Variants in EPN1 observed in about 807,000 individuals in gnomAD.
EPN1 encodes epsin-1.
EPN1 carries 25 observed loss-of-function variants against 56.9 expected under a neutral mutation model. That is an observed-to-expected ratio of 0.44 (90% CI 0.32 to 0.61). The LOEUF (loss-of-function observed/expected upper bound fraction) is 0.61. EPN1 is among the 20% of genes least tolerant of loss of function. The probability of loss-of-function intolerance (pLI) is 0.05; values close to 1 mark genes in which losing one functional copy is unlikely to be tolerated. For missense variants in EPN1, 785 were observed against 823.7 expected, an observed-to-expected ratio of 0.95 and a Z score of 0.58; for synonymous variants, 411 against 361.8, an observed-to-expected ratio of 1.14 and a Z score of -1.54.
In EPN1 at chr19:55,709,532, A is replaced by G. The variant is rs1195809435; in HGVS notation, c.*14176A>G. ...AATTAAAGCACATGCTACACCCATA[A>G]ATATGTCAAACGTTCTTGTCTGTTT... On this transcript the variant is annotated 3_prime_UTR_variant, in exon 11 of 11. Coordinates refer to ENST00000270460, the MANE Select transcript of EPN1 (RefSeq NM_001130072.2). 3 of 152,246 alleles carry G rather than the reference A, an allele frequency of 2.0e-5. No individual in the cohort carries two copies. The highest frequency in any genetic ancestry group is 7.2e-5 in the African/African-American group (3 of 41,418). The allele number at this position is 152,246 out of a possible 1,614,324, so 9.4% of individuals were successfully genotyped here.
At chr19:55,683,919 G>A (rs918498131) in intron 2 of EPN1, among the ~76,000 whole-genome samples, 2 of 152,256 alleles carry the variant, frequency 1.3e-5, no homozygotes, top group Middle Eastern at 3.4e-3. Context: ...TCTGCCCAGC[G>A]CGTTCTCTTA....
At position 55,694,714 on chromosome 19, in the gene EPN1, G is replaced by C. The variant is rs778738045; in HGVS notation, c.1265-12G>C. On this transcript the variant is annotated splice_polypyrimidine_tract_variant and intron_variant, in intron 9 of 10. Transcript: ENST00000270460. The surrounding 1 kb of genome is among the most constrained non-coding windows in gnomAD (Gnocchi z 4.2). The stretch of plus-strand genomic sequence containing the variant: ...TCTGCCCTGTCTGAGCCCCTCTCCC[G>C]GATCCTTCCAGGAGAGCTGGAGCTG... The C allele has an allele frequency of 1.5e-5, 24 of 1,550,360 alleles. No homozygotes were observed. The highest frequency in any genetic ancestry group is 2.0e-5 in the Non-Finnish European group (23 of 1,147,130).
In EPN1 at chr19:55,691,688, A is replaced by T. The variant is rs1025613479; in HGVS notation, c.763-66A>T. 2 of 1,492,832 alleles carry T rather than the reference A, an allele frequency of 1.3e-6. No homozygotes were observed. The highest frequency in any genetic ancestry group is 4.7e-5 in the East Asian group (2 of 42,840). The allele number at this position is 1,492,832 out of a possible 1,614,324, so 92.5% of individuals were successfully genotyped here. ...GGCCGCCTCCCCCGCCACGGGCCCC[A>T]GCTTGGTCCCTGTCCCAGGCTTCCC... On this transcript the variant is annotated intron_variant, in intron 6 of 10. Coordinates refer to ENST00000270460, the MANE Select transcript of EPN1 (RefSeq NM_001130072.2). The surrounding 1 kb of genome is among the most constrained non-coding windows in gnomAD (Gnocchi z 5.6).
chr19:55,692,893 G>A, intron 8 of EPN1, 58 bp from the exon 9 acceptor site: 1 of 1,602,080 alleles, frequency 6.2e-7, no homozygotes, highest in Non-Finnish European at 8.5e-7. Flanking sequence ...CTGGACTGGA[G>A]GTGGGGGCTG....
intron 7 of EPN1, 50 bp downstream of exon 7, chr19:55,692,107 T>A: frequency 7.3e-7 from 1 of 1,375,518 alleles, no homozygotes; most frequent in Non-Finnish European, 9.4e-7. Flanking sequence ...TGTGCACCTG[T>A]CTTTGGTTGA....
At chr19:55,690,178 C>T (rs1361781447) in intron 6 of EPN1, among the ~76,000 whole-genome samples, 1 of 152,256 alleles carries the variant, frequency 6.6e-6, no homozygotes, top group Admixed American at 6.5e-5. Flanking sequence ...TCAGCGCTGG[C>T]CATCCCCCTT....
chr19:55,709,003 A>G lies in EPN1; in HGVS notation c.*13647A>G. On this transcript the variant is annotated 3_prime_UTR_variant, in exon 11 of 11. Transcript: ENST00000270460. Reference sequence around the variant, plus strand: ...GGGAATTTTTTCTTCCACAGACATCAGGATCTTCTGAGTTTCTTCATCAAA... The same window carrying G: ...GGGAATTTTTTCTTCCACAGACATCGGGATCTTCTGAGTTTCTTCATCAAA... The G allele has an allele frequency of 1.3e-6, 2 of 1,588,900 alleles. No individual in the cohort carries two copies. The highest frequency in any genetic ancestry group is 1.2e-5 in the South Asian group (1 of 85,364).
At chr19:55,677,162 A>C in intron 1 of EPN1, 7 of 1,551,446 alleles carry the variant, frequency 4.5e-6, no homozygotes, top group Non-Finnish European at 6.1e-6. Context: ...GGCTTCTTGG[A>C]GCCGCATAGA....
chr19:55,689,159 C>G lies in EPN1; in HGVS notation c.604-138C>G, dbSNP rs902008508. ...TCATCCTCACCCCGCCGTCCCTCTGCGTGTCACTCTCTGCCTGTCCCTCAC... is the reference window on the plus strand; with the variant it reads ...TCATCCTCACCCCGCCGTCCCTCTGGGTGTCACTCTCTGCCTGTCCCTCAC... On this transcript the variant is annotated intron_variant, in intron 4 of 10. Coordinates refer to ENST00000270460, the MANE Select transcript of EPN1 (RefSeq NM_001130072.2). This position sits in a 1 kb window ranked among gnomAD's most constrained non-coding sequence, Gnocchi z 5.7. The G allele has an allele frequency of 8.7e-7, 1 of 1,145,090 alleles. No individual in the cohort carries two copies. Among genetic ancestry groups the G allele is most frequent in the Non-Finnish European group, 1.2e-6 (1 of 811,264 alleles). 70.9% of individuals were successfully genotyped at this position (1,145,090 alleles called of 1,614,324 possible). A position where few individuals can be genotyped will look rare whatever the true frequency, so the allele number is the denominator to read the frequency against.
rs563299488 is a variant in EPN1 at position 55,689,612 on chromosome 19, C to A, written c.678+241C>A. On this transcript the variant is annotated intron_variant, in intron 5 of 10. Transcript: ENST00000270460. The surrounding 1 kb of genome is among the most constrained non-coding windows in gnomAD (Gnocchi z 5.7). ...GACCAGGGTCCCTTCCTCCCCCCAACGCAGGAGATACCACCGAGGCGGGTG... is the reference window on the plus strand; with the variant it reads ...GACCAGGGTCCCTTCCTCCCCCCAAAGCAGGAGATACCACCGAGGCGGGTG... Among the ~76,000 whole-genome samples, 1 of 152,164 alleles carries A rather than the reference C, an allele frequency of 6.6e-6. No homozygotes were observed. Among genetic ancestry groups the A allele is most frequent in the Non-Finnish European group, 1.5e-5 (1 of 68,012 alleles).
In EPN1 at chr19:55,706,157, C is replaced by A; in HGVS notation, c.*10801C>A. 5.3e-6 allele frequency: 1 copy of A among 187,124 alleles called. No individual in the cohort carries two copies. The highest frequency in any genetic ancestry group is 1.0e-4 in the South Asian group (1 of 9,552). The allele number at this position is 187,124 out of a possible 1,614,324, so 11.6% of individuals were successfully genotyped here. On this transcript the variant is annotated 3_prime_UTR_variant, in exon 11 of 11. Coordinates refer to ENST00000270460, the MANE Select transcript of EPN1 (RefSeq NM_001130072.2). ...ACTTTGATTTCTTCTTCCTCCTCCTCCTCTCTTTTCTTCTTCCTCTTCCTC... is the reference window on the plus strand; with the variant it reads ...ACTTTGATTTCTTCTTCCTCCTCCTACTCTCTTTTCTTCTTCCTCTTCCTC...
intron 2 of EPN1, among the ~76,000 whole-genome samples, chr19:55,681,228 G>A (rs535916623): frequency 1.3e-5 from 2 of 152,348 alleles, no homozygotes; most frequent in East Asian, 3.9e-4. Flanking sequence ...AAGGGCCGGC[G>A]TTTATTTGGT....
At chr19:55,684,200 T>C (rs1986014748) in intron 2 of EPN1, among the ~76,000 whole-genome samples, 1 of 152,220 alleles carries the variant, frequency 6.6e-6, no homozygotes, top group Non-Finnish European at 1.5e-5. Context: ...TGAGGAGATA[T>C]GAATGGCCCT....
Position 55,691,917 on chromosome 19 carries a change from G to A in EPN1, c.926G>A (p.Gly309Glu). 6.3e-7 allele frequency: 1 copy of A among 1,582,582 alleles called. No individual in the cohort carries two copies. Among genetic ancestry groups the A allele is most frequent in the African/African-American group, 1.3e-5 (1 of 74,194 alleles). The change falls in exon 7 of 11, where the codon GGA becomes GAA. Residue 309 changes from glycine (G) to glutamate (E), a missense_variant. By Grantham distance (98) the Gly-to-Glu change is moderately conservative. Transcript: ENST00000270460. This position sits in a 1 kb window ranked among gnomAD's most constrained non-coding sequence, Gnocchi z 5.6. ...GTCCCTCCAGCTGCTGATCCCTGGG[G>A]AGGTCCAGCCCCCACGCCGGCCTCT... is the stretch of plus-strand genomic sequence containing the variant. ...PPVPPAADPW[G>E]GPAPTPASGD...
chr19:55,698,125 G>A lies in EPN1; in HGVS notation c.*2769G>A, dbSNP rs914341677. ...GCTGAAGAAGCCTATCAGATGTGAG[G>A]GTGGCGGGGGTTGGGGGGGATGGCG... is the stretch of plus-strand genomic sequence containing the variant. On this transcript the variant is annotated 3_prime_UTR_variant, in exon 11 of 11. Transcript: ENST00000270460. The A allele has an allele frequency of 6.6e-6, 1 of 151,780 alleles. No homozygotes were observed. Among genetic ancestry groups the A allele is most frequent in the Non-Finnish European group, 1.5e-5 (1 of 68,016 alleles). 9.4% of individuals were successfully genotyped at this position (151,780 alleles called of 1,614,324 possible). A position where few individuals can be genotyped will look rare whatever the true frequency, so the allele number is the denominator to read the frequency against.
chr19:55,677,386 T>C (rs575046014), intron 1 of EPN1, among the ~76,000 whole-genome samples: 16 of 152,286 alleles, frequency 1.1e-4, no homozygotes, highest in African/African-American at 3.6e-4. Flanking sequence ...GCTGGTGTCA[T>C]CATCATTTGC....
Position 55,694,219 on chromosome 19 carries a change from GA to G in EPN1, c.1265-483del, listed in dbSNP as rs1197784744. On this transcript the variant is annotated intron_variant, in intron 9 of 10. Transcript: ENST00000270460. The surrounding 1 kb of genome is among the most constrained non-coding windows in gnomAD (Gnocchi z 4.2). ...GGGAAACGAGCGACACTCCGTCTCAGAAAAAAAAAAAAAAAAAAAAAAAACA... is the reference window on the plus strand; with the variant it reads ...GGGAAACGAGCGACACTCCGTCTCAGAAAAAAAAAAAAAAAAAAAAAAACA... 0.098 allele frequency: 5,166 copies of G among 52,586 alleles called. 113 individuals are homozygous for G. Among genetic ancestry groups the G allele is most frequent in the African/African-American group, 0.17 (2,883 of 16,974 alleles). The allele number at this position is 52,586 out of a possible 1,614,324, so 3.3% of individuals were successfully genotyped here.
chr19:55,677,115 C>A (rs1236293912), intron 1 of EPN1: 2 of 1,550,748 alleles, frequency 1.3e-6, no homozygotes, highest in African/African-American at 2.7e-5. Context: ...CTCCCCTGGG[C>A]TTACATCATG....
At position 55,708,921 on chromosome 19, in the gene EPN1, C is replaced by T. The variant is rs771971158; in HGVS notation, c.*13565C>T. The T allele has an allele frequency of 2.6e-6, 4 of 1,547,526 alleles. No homozygotes were observed. The highest frequency in any genetic ancestry group is 3.5e-6 in the Non-Finnish European group (4 of 1,155,858). ...TTCAGGGTGTTCCCCATCAGAGGAG[C>T]ACACCCCTGATCTTGTATTCCTCGT... On this transcript the variant is annotated 3_prime_UTR_variant, in exon 11 of 11. Transcript: ENST00000270460.
Sources: allele counts gnomAD v4.1 joint callset (sites outside exome capture counted in the v4.1 genomes callset), GRCh38; gene constraint gnomAD v4.1.1; non-coding constraint Gnocchi (gnomAD v3.1); transcripts MANE v1.5; gene names NCBI Gene and HGNC (gene_info 2026-07-23, HGNC 2026-07-21).